CNTN5: variants seen among roughly 807,000 people sequenced by gnomAD.
CNTN5 encodes the protein contactin 5.
CNTN5 carries 77 observed loss-of-function variants against 129.1 expected under a neutral mutation model. The observed-to-expected ratio is 0.60, with a 90% CI of 0.50 to 0.72. The LOEUF is 0.72. CNTN5 is among the 30% of genes least tolerant of loss of function. The probability of loss-of-function intolerance (pLI) is 0.00; values close to 1 mark genes in which losing one functional copy is unlikely to be tolerated. For missense variants in CNTN5, 1,478 were observed against 1,328.8 expected, an observed-to-expected ratio of 1.11 and a Z score of -1.75; for synonymous variants, 509 against 465.6, an observed-to-expected ratio of 1.09 and a Z score of -1.20.
At chr11:100,036,110 T>G (rs1291528540) in intron 9 of CNTN5, among the ~76,000 whole-genome samples, 2 of 152,208 alleles carry the variant, frequency 1.3e-5, no homozygotes, top group Non-Finnish European at 2.9e-5. Flanking sequence ...GCTCTAACAT[T>G]TAAGTCTTTA....
At chr11:99,324,764 C>T (rs1043550530) in intron 1 of CNTN5, among the ~76,000 whole-genome samples, 1 of 152,110 alleles carries the variant, frequency 6.6e-6, no homozygotes, top group Non-Finnish European at 1.5e-5. Context: ...GCCTCAGCCT[C>T]CCAAGTAGCT....
chr11:99,628,118 G>C (rs981784359), intron 3 of CNTN5, among the ~76,000 whole-genome samples: 4 of 151,852 alleles, frequency 2.6e-5, no homozygotes, highest in Non-Finnish European at 5.9e-5. Context: ...AGCAATTAGA[G>C]TATTCATTTC....
chr11:99,988,495 A>G (rs1938838091), intron 8 of CNTN5, among the ~76,000 whole-genome samples: 1 of 152,232 alleles, frequency 6.6e-6, no homozygotes, highest in South Asian at 2.1e-4. Context: ...ACAAATAAAA[A>G]GTAATGTGAG....
At chr11:99,128,841 C>T (rs976337070) in intron 1 of CNTN5, among the ~76,000 whole-genome samples, 1 of 152,102 alleles carries the variant, frequency 6.6e-6, no homozygotes, top group Non-Finnish European at 1.5e-5. Context: ...GGAGTAGACC[C>T]CCAGCACACT....
intron 16 of CNTN5, among the ~76,000 whole-genome samples, chr11:100,234,650 G>T (rs1949569582): frequency 6.6e-6 from 1 of 151,854 alleles, no homozygotes; most frequent in East Asian, 1.9e-4. Flanking sequence ...CCAGCAGGGT[G>T]GGGGTGGTTG....
At chr11:100,010,309 C>T (rs2137518228) in intron 9 of CNTN5, among the ~76,000 whole-genome samples, 1 of 152,104 alleles carries the variant, frequency 6.6e-6, no homozygotes, top group African/African-American at 2.4e-5. Context: ...CAGCTACCAT[C>T]TCTAGAGGTA....
chr11:100,175,633 T>C (rs1357978664), intron 13 of CNTN5, among the ~76,000 whole-genome samples: 1 of 152,064 alleles, frequency 6.6e-6, no homozygotes, highest in African/African-American at 2.4e-5. Context: ...CGGGAAAATA[T>C]GTAACAAATC....
intron 7 of CNTN5, among the ~76,000 whole-genome samples, chr11:99,923,285 A>G (rs2136042702): frequency 6.6e-6 from 1 of 152,282 alleles, no homozygotes; most frequent in Admixed American, 6.5e-5. Context: ...AAATATATAT[A>G]TTTAAAATGT....
chr11:99,638,768 A>G (rs921818698), intron 3 of CNTN5, among the ~76,000 whole-genome samples: 10 of 152,264 alleles, frequency 6.6e-5, no homozygotes, highest in African/African-American at 2.4e-4. Flanking sequence ...ATGGGTTCCC[A>G]TGATCTTGGC....
intron 1 of CNTN5, among the ~76,000 whole-genome samples, chr11:99,238,626 A>G (rs916057407): frequency 1.3e-5 from 2 of 152,178 alleles, no homozygotes; most frequent in African/African-American, 2.4e-5. Flanking sequence ...CAGTTTGTGA[A>G]TAAGAAATCT....
chr11:99,248,646 A>G (rs946285772), intron 1 of CNTN5, among the ~76,000 whole-genome samples: 1 of 152,062 alleles, frequency 6.6e-6, no homozygotes, highest in Non-Finnish European at 1.5e-5. Context: ...TGTATAAGAA[A>G]TGTAAGGAAG....
chr11:99,260,335 C>G (rs1342730219), intron 1 of CNTN5, among the ~76,000 whole-genome samples: 1 of 151,648 alleles, frequency 6.6e-6, no homozygotes, highest in South Asian at 2.1e-4. Context: ...GGATAGTGCT[C>G]TTTACACATG....
intron 2 of CNTN5, among the ~76,000 whole-genome samples, chr11:99,526,079 T>C (rs1449728860): frequency 6.6e-6 from 1 of 152,232 alleles, no homozygotes; most frequent in South Asian, 2.1e-4. Flanking sequence ...GTAAAACAGA[T>C]ACTTTCAGCT....
At chr11:99,890,854 T>C (rs1949040870) in intron 6 of CNTN5, among the ~76,000 whole-genome samples, 1 of 152,158 alleles carries the variant, frequency 6.6e-6, no homozygotes, top group Non-Finnish European at 1.5e-5. Flanking sequence ...ATATGAATCC[T>C]GGATAAGCTG....
chr11:100,054,878 T>G (rs549378805), intron 9 of CNTN5, among the ~76,000 whole-genome samples: 4 of 151,736 alleles, frequency 2.6e-5, no homozygotes, highest in South Asian at 4.1e-4. Context: ...CACAGTCGTT[T>G]AGAAACTCAG....
intron 3 of CNTN5, among the ~76,000 whole-genome samples, chr11:99,724,803 C>G (rs539591707): frequency 2.8e-4 from 42 of 152,178 alleles, no homozygotes; most frequent in African/African-American, 9.4e-4. Flanking sequence ...AGTGAATGTC[C>G]CCTTGTGTTA....
intron 8 of CNTN5, among the ~76,000 whole-genome samples, chr11:99,985,187 G>T (rs531914088): frequency 1.3e-4 from 20 of 152,110 alleles, no homozygotes; most frequent in Non-Finnish European, 2.5e-4. Context: ...CCATTTTTGG[G>T]TCCCTGTACT....
At chr11:99,291,931 C>T (rs1184547142) in intron 1 of CNTN5, among the ~76,000 whole-genome samples, 1 of 151,996 alleles carries the variant, frequency 6.6e-6, no homozygotes, top group Non-Finnish European at 1.5e-5. Flanking sequence ...TTGAATCATG[C>T]TGTGATTTTG....
At chr11:99,484,466 A>G (rs1185733791) in intron 2 of CNTN5, among the ~76,000 whole-genome samples, 4 of 152,200 alleles carry the variant, frequency 2.6e-5, no homozygotes, top group Admixed American at 2.0e-4. Flanking sequence ...GGAGAATAGC[A>G]TGAAAATTCC....
Sources: allele counts gnomAD v4.1 joint callset (sites outside exome capture counted in the v4.1 genomes callset), GRCh38; gene constraint gnomAD v4.1.1; transcripts MANE v1.5; gene names NCBI Gene and HGNC (gene_info 2026-07-23, HGNC 2026-07-21).